GK: variants seen among roughly 807,000 people sequenced by gnomAD.
The protein encoded by GK is ATP:glycerol 3-phosphotransferase.
GK carries 9 observed loss-of-function variants against 56.4 expected under a neutral mutation model. The ratio of observed to expected loss-of-function variants is 0.16; its 90% CI spans 0.10 to 0.28. GK has a LOEUF of 0.28. Among genes scored for constraint, GK ranks in the 10% least tolerant of loss-of-function variants. GK has a pLI of 1.00. For missense variants in GK, 161 were observed against 431.4 expected, an observed-to-expected ratio of 0.37 and a Z score of 5.55; for synonymous variants, 104 against 144.1, an observed-to-expected ratio of 0.72 and a Z score of 1.99.
intron 3 of GK, among the ~76,000 whole-genome samples, chrX:30,676,525 A>G (rs1284491131): frequency 3.6e-5 from 4 of 111,825 alleles, no homozygotes; most frequent in African/African-American, 6.5e-5. Context: ...CAGGATGCAC[A>G]TTAGAATCAC....
intron 3 of GK, among the ~76,000 whole-genome samples, chrX:30,669,151 A>G (rs1249108607): frequency 9.3e-6 from 1 of 107,187 alleles, no homozygotes; most frequent in Non-Finnish European, 1.9e-5. Flanking sequence ...AGGGTGTTAG[A>G]TTGTTATGGA....
At chrX:30,686,268 T>C (rs1399990142) in intron 4 of GK, among the ~76,000 whole-genome samples, 1 of 112,919 alleles carries the variant, frequency 8.9e-6, no homozygotes, top group African/African-American at 3.2e-5. Context: ...AATGACCACT[T>C]ACCCAGCTTA....
At chrX:30,675,519 CTTTTTTTTT>C (rs752900168) in intron 3 of GK, among the ~76,000 whole-genome samples, 1 of 90,195 alleles carries the variant, frequency 1.1e-5, no homozygotes, top group African/African-American at 4.1e-5. Flanking sequence ...TTTTATTCTT[CTTTTTTTTT>C]TTTTTTTTGA....
chrX:30,708,335 C>G (rs1390881347), intron 13 of GK, among the ~76,000 whole-genome samples: 2 of 110,840 alleles, frequency 1.8e-5, no homozygotes, highest in Non-Finnish European at 3.8e-5. Context: ...AGATTGGTTC[C>G]TCAGTTCTTA....
chrX:30,727,348 A>G (rs1003178612), intron 19 of GK, 118 bp from the exon 20 acceptor site: 7 of 493,748 alleles, frequency 1.4e-5, no homozygotes, highest in Non-Finnish European at 2.5e-5. Context: ...TTATGAATAT[A>G]CTATTTTTAT....
At chrX:30,688,501 CAAAAA>C (rs34773549) in intron 4 of GK, among the ~76,000 whole-genome samples, 1 of 33,888 alleles carries the variant, frequency 3.0e-5, no homozygotes. Context: ...GACTCTGTCT[CAAAAA>C]AAAAAAAAAA....
intron 1 of GK, among the ~76,000 whole-genome samples, chrX:30,664,040 T>C (rs1224486228): frequency 1.1e-5 from 1 of 89,753 alleles, no homozygotes; most frequent in Non-Finnish European, 2.1e-5. Flanking sequence ...TTTATAGATA[T>C]ATATTTTATA....
intron 1 of GK, among the ~76,000 whole-genome samples, chrX:30,660,014 G>A (rs1018215271): frequency 8.9e-6 from 1 of 111,890 alleles, no homozygotes; most frequent in Admixed American, 9.5e-5. Flanking sequence ...CTTCCAAAGT[G>A]CTGGGATTAC....
At chrX:30,691,735 G>A (rs1569157675) in intron 5 of GK, among the ~76,000 whole-genome samples, 2 of 110,427 alleles carry the variant, frequency 1.8e-5, no homozygotes, top group Non-Finnish European at 3.8e-5. Flanking sequence ...GCCTCCCAAA[G>A]TGCTGGTGGG....
chrX:30,717,790 A>G (rs1489090512), intron 13 of GK, among the ~76,000 whole-genome samples: 1 of 112,075 alleles, frequency 8.9e-6, no homozygotes, highest in Admixed American at 9.5e-5. Context: ...TACATTTAGT[A>G]AGAACCTTCA....
At chrX:30,707,166 T>TA (rs1278243841) in intron 11 of GK, among the ~76,000 whole-genome samples, 1 of 110,725 alleles carries the variant, frequency 9.0e-6, no homozygotes, top group Admixed American at 9.6e-5. Context: ...CCGTCTCTAC[T>TA]AAAAATAGAA....
chrX:30,720,123 A>G lies in GK; in HGVS notation c.1236+28A>G, dbSNP rs758137240. On this transcript the variant is annotated intron_variant, in intron 16 of 20. Transcript: ENST00000427190. ...AACAAATATGGGCCTGTTTTCTTGT[A>G]CTTAGTTCACTTTTATCACTCTTAA... 9 of 887,635 alleles carry G rather than the reference A, an allele frequency of 1.0e-5. 1 individual carries two copies. In the Admixed American group the frequency reaches 2.0e-4, roughly 19 times the overall value. The allele number at this position is 887,635 out of a possible 1,213,427, so 73.2% of individuals were successfully genotyped here.
chrX:30,701,136 G>T (rs1338529415), intron 11 of GK, among the ~76,000 whole-genome samples: 1 of 112,225 alleles, frequency 8.9e-6, no homozygotes, highest in Non-Finnish European at 1.9e-5. Context: ...TAGGCTGGGC[G>T]CGGTGGCTCA....
At chrX:30,674,069 A>G (rs1933719285) in intron 3 of GK, among the ~76,000 whole-genome samples, 1 of 111,978 alleles carries the variant, frequency 8.9e-6, no homozygotes, top group Admixed American at 9.5e-5. Flanking sequence ...AGCAGTAGGT[A>G]ACATTTATTG....
At chrX:30,660,832 G>A (rs1313250509) in intron 1 of GK, among the ~76,000 whole-genome samples, 3 of 82,705 alleles carry the variant, frequency 3.6e-5, no homozygotes, top group African/African-American at 4.8e-5. Context: ...TTTTTTTTCC[G>A]AGACGGAGTC....
At chrX:30,708,620 CTT>C (rs765536319) in intron 13 of GK, among the ~76,000 whole-genome samples, 4 of 111,438 alleles carry the variant, frequency 3.6e-5, no homozygotes, top group Non-Finnish European at 5.7e-5. Flanking sequence ...ATTTATGCCA[CTT>C]ATCACTGGAA....
chrX:30,718,820 T>G (rs1348281917), intron 14 of GK, among the ~76,000 whole-genome samples: 1 of 111,815 alleles, frequency 8.9e-6, no homozygotes, highest in Non-Finnish European at 1.9e-5. Context: ...TGGTTGTTAA[T>G]AAACTGGCAA....
intron 13 of GK, among the ~76,000 whole-genome samples, chrX:30,713,029 C>T (rs997158087): frequency 9.0e-6 from 1 of 111,557 alleles, no homozygotes; most frequent in Non-Finnish European, 1.9e-5. Flanking sequence ...CCACCGCGCC[C>T]GGCCTTGTTG....
chrX:30,685,578 C>T (rs187667863), intron 4 of GK, among the ~76,000 whole-genome samples: 2 of 112,381 alleles, frequency 1.8e-5, no homozygotes, highest in Admixed American at 9.4e-5. Context: ...TTACATCTCC[C>T]TCAATCCTGG....
Sources: allele counts gnomAD v4.1 joint callset (sites outside exome capture counted in the v4.1 genomes callset), GRCh38; gene constraint gnomAD v4.1.1; transcripts MANE v1.5; gene names NCBI Gene and HGNC (gene_info 2026-07-23, HGNC 2026-07-21).